The following KDM4B variants were observed in gnomAD, a reference collection of about 807,000 sequenced individuals.
KDM4B encodes the protein lysine-specific demethylase 4B.
In KDM4B, 32 loss-of-function variants were observed where a neutral mutation model predicts 125.2. The ratio of observed to expected loss-of-function variants is 0.26; its 90% confidence interval spans 0.19 to 0.34. KDM4B has a LOEUF of 0.34. Among genes scored for constraint, KDM4B ranks in the 10% least tolerant of loss-of-function variants. The pLI is 1.00. For synonymous variants in KDM4B, 721 were observed against 677.9 expected (o/e 1.06, Z -0.99); for missense variants, 1,190 against 1,577.7 (o/e 0.75, Z 4.16).
At chr19:5,080,794 C>T (rs992123965) in intron 8 of KDM4B, 7 of 152,206 alleles carry the variant, frequency 4.6e-5, no homozygotes, top group African/African-American at 1.2e-4. Context: ...GGAAACAGCC[C>T]GCACGTCCAT....
intron 8 of KDM4B, among the ~76,000 whole-genome samples, chr19:5,080,408 C>T (rs887992264): frequency 6.6e-6 from 1 of 152,208 alleles, no homozygotes; most frequent in Non-Finnish European, 1.5e-5. Context: ...CCGATGAATT[C>T]GGCGTGAGGG....
chr19:5,110,667 G>T lies in KDM4B; in HGVS notation c.964G>T (p.Val322Leu). ...DMVKISMDVF[V>L]RILQPERYEL... ...GGTCAAGATCTCCATGGACGTGTTC[G>T]TGCGCATCCTGCAGCCCGAGCGCTA... Residue 322 changes from valine (V) to leucine (L), a missense_variant, in exon 10 of 23, where the codon GTG becomes TTG. Physicochemically the swap from Val to Leu is conservative, Grantham distance 32. This residue lies in a region of KDM4B where 428 missense variants were observed against 405.1 expected (regional missense o/e 1.06). Coordinates refer to ENST00000159111, the MANE Select transcript of KDM4B (RefSeq NM_015015.3). 6.2e-7 allele frequency: 1 copy of T among 1,613,050 alleles called. No homozygotes were observed. The highest frequency in any genetic ancestry group is 1.3e-5 in the African/African-American group (1 of 75,040).
Position 5,056,654 on chromosome 19 carries a change from C to A in KDM4B, c.626+8985C>A, listed in dbSNP as rs560808862. 2.0e-5 allele frequency among the ~76,000 whole-genome samples: 3 copies of A among 152,340 alleles called. No individual in the cohort carries two copies. The South Asian group carries it at 6.2e-4, about 32-fold the overall frequency. The stretch of plus-strand genomic sequence containing the variant: ...TTCCTGACCTCAGGTGATCTGCCTG[C>A]CTTGGCCTCCCAAAGTGCTGGCGTT... On this transcript the variant is annotated intron_variant, in intron 6 of 22. Transcript: ENST00000159111.
In KDM4B at chr19:5,096,443, T is replaced by C. The variant is rs375229203; in HGVS notation, c.918+13939T>C. 3.9e-5 allele frequency among the ~76,000 whole-genome samples: 6 copies of C among 152,192 alleles called. No homozygotes were observed. In the East Asian group the frequency reaches 9.7e-4, roughly 25 times the overall value. Reference sequence around the variant, plus strand: ...CCGGACTCCTGGCAGCATGGAGTGGTGTCACCTTGGATGGGGAGCACGGTC... The same window carrying C: ...CCGGACTCCTGGCAGCATGGAGTGGCGTCACCTTGGATGGGGAGCACGGTC... On this transcript the variant is annotated intron_variant, in intron 9 of 22. Coordinates refer to ENST00000159111, the MANE Select transcript of KDM4B (RefSeq NM_015015.3).
chr19:5,124,908 C>CT (rs1325422704), intron 11 of KDM4B, among the ~76,000 whole-genome samples: 3 of 148,280 alleles, frequency 2.0e-5, no homozygotes, highest in Admixed American at 6.7e-5. Context: ...CTTTTCTTTT[C>CT]TTTTTTTTTG....
At chr19:5,023,758 A>ATTTTT (rs148293792) in intron 2 of KDM4B, among the ~76,000 whole-genome samples, 33 of 89,104 alleles carry the variant, frequency 3.7e-4, no homozygotes, top group African/African-American at 9.9e-4. Context: ...GTCTTTTTGA[A>ATTTTT]TTTTTTTTTT....
chr19:5,151,276 G>C (rs2039942136), intron 22 of KDM4B, 59 bp from the exon 23 acceptor site: 1 of 1,349,802 alleles, frequency 7.4e-7, no homozygotes, highest in Non-Finnish European at 9.7e-7. Flanking sequence ...ATAGACAGTG[G>C]CTGGGGCCGC....
intron 6 of KDM4B, among the ~76,000 whole-genome samples, chr19:5,054,860 G>A (rs1188945789): frequency 2.6e-5 from 4 of 152,186 alleles, no homozygotes; most frequent in African/African-American, 4.8e-5. Context: ...CCTCTGCCTC[G>A]CTCTTGTCAC....
intron 9 of KDM4B, among the ~76,000 whole-genome samples, chr19:5,109,506 C>T (rs374784569): frequency 4.6e-5 from 7 of 152,148 alleles, no homozygotes; most frequent in African/African-American, 1.2e-4. Flanking sequence ...CAGGTCTGCC[C>T]GGCAGGCAGC....
chr19:5,072,154 C>T (rs146847054), intron 7 of KDM4B, among the ~76,000 whole-genome samples: 39 of 152,318 alleles, frequency 2.6e-4, no homozygotes, highest in African/African-American at 8.7e-4. Flanking sequence ...TCCAAACCTT[C>T]GAGCCAAAGG....
At chr19:5,060,400 T>C (rs2037548611) in intron 6 of KDM4B, among the ~76,000 whole-genome samples, 2 of 114,676 alleles carry the variant, frequency 1.7e-5, no homozygotes, top group Non-Finnish European at 3.3e-5. Flanking sequence ...GATTGTCCCA[T>C]CCAGCCTGGG....
rs1321228669 is a variant in KDM4B at position 5,114,301 on chromosome 19, G to A, written c.1115+3483G>A. 5.1e-6 allele frequency: 6 copies of A among 1,188,062 alleles called. No individual in the cohort carries two copies. The highest frequency in any genetic ancestry group is 6.7e-6 in the Non-Finnish European group (6 of 896,068). The allele number at this position is 1,188,062 out of a possible 1,614,324, so 73.6% of individuals were successfully genotyped here. On this transcript the variant is annotated intron_variant, in intron 10 of 22. Coordinates refer to ENST00000159111, the MANE Select transcript of KDM4B (RefSeq NM_015015.3). The surrounding 1 kb of genome is among the most constrained non-coding windows in gnomAD (Gnocchi z 5.8). Reference sequence around the variant, plus strand: ...CCACTGCTGCTCTGTGAGCCCGGCTGGGCCCAGGCCTCGTCTCCCCTACCC... The same window carrying A: ...CCACTGCTGCTCTGTGAGCCCGGCTAGGCCCAGGCCTCGTCTCCCCTACCC...
At chr19:5,001,368 C>T (rs917949059) in intron 1 of KDM4B, among the ~76,000 whole-genome samples, 1 of 152,168 alleles carries the variant, frequency 6.6e-6, no homozygotes, top group African/African-American at 2.4e-5. Flanking sequence ...GTGCTCTGTT[C>T]ATTTAGCTGT....
At chr19:5,128,074 C>T (rs1391380880) in intron 11 of KDM4B, among the ~76,000 whole-genome samples, 1 of 151,904 alleles carries the variant, frequency 6.6e-6, no homozygotes, top group African/African-American at 2.4e-5. Flanking sequence ...GCCCCACAGC[C>T]CCGGCTGGAG....
Position 4,990,170 on chromosome 19 carries a change from A to G in KDM4B, c.-109+20940A>G, listed in dbSNP as rs555269731. 1.7e-4 allele frequency among the ~76,000 whole-genome samples: 26 copies of G among 152,236 alleles called. No homozygotes were observed. In the South Asian group the frequency reaches 5.4e-3, roughly 32 times the overall value. ...GCTGAGCATGGAGGTGGCACCTGTA[A>G]TCCCAGCTACTTGGGAGGCTGAGGC... On this transcript the variant is annotated intron_variant, in intron 1 of 22. Coordinates refer to ENST00000159111, the MANE Select transcript of KDM4B (RefSeq NM_015015.3).
intron 9 of KDM4B, among the ~76,000 whole-genome samples, chr19:5,108,069 C>A (rs2039069342): frequency 6.6e-6 from 1 of 152,250 alleles, no homozygotes; most frequent in Non-Finnish European, 1.5e-5. Flanking sequence ...GTGCCAGCCC[C>A]AGCCGGGCAA....
chr19:5,076,951 T>A (rs574076395), intron 7 of KDM4B: 3 of 195,050 alleles, frequency 1.5e-5, no homozygotes, highest in Non-Finnish European at 3.2e-5. Flanking sequence ...GAGAAGTCTC[T>A]GCATAGCCGT....
chr19:5,150,914 GGAGGCAGCT>G (rs1222042478), intron 22 of KDM4B, among the ~76,000 whole-genome samples: 1 of 152,328 alleles, frequency 6.6e-6, no homozygotes, highest in Admixed American at 6.5e-5. Context: ...TGGAGGCAGC[GGAGGCAGCT>G]CCAGCTTTCG....
At position 5,114,523 on chromosome 19, in the gene KDM4B, C is replaced by A; in HGVS notation, c.1115+3705C>A. 2.8e-6 allele frequency: 1 copy of A among 352,804 alleles called. No homozygotes were observed. Among genetic ancestry groups the A allele is most frequent in the South Asian group, 2.1e-5 (1 of 48,302 alleles). 21.9% of individuals were successfully genotyped at this position (352,804 alleles called of 1,614,324 possible). On this transcript the variant is annotated intron_variant, in intron 10 of 22. Coordinates refer to ENST00000159111, the MANE Select transcript of KDM4B (RefSeq NM_015015.3). This position sits in a 1 kb window ranked among gnomAD's most constrained non-coding sequence, Gnocchi z 5.8. Reference sequence around the variant, plus strand: ...GGACAGAACCTCACGAGCACAGGGACCTGCCAGCCCCTGCAGGGAGTGCGC... The same window carrying A: ...GGACAGAACCTCACGAGCACAGGGAACTGCCAGCCCCTGCAGGGAGTGCGC...
Sources: allele counts gnomAD v4.1 joint callset (sites outside exome capture counted in the v4.1 genomes callset), GRCh38; gene constraint gnomAD v4.1.1; regional missense constraint gnomAD v4.1.1; non-coding constraint Gnocchi (gnomAD v3.1); transcripts MANE v1.5; gene names NCBI Gene and HGNC (gene_info 2026-07-23, HGNC 2026-07-21).